The following VCL variants were observed in gnomAD, a reference collection of about 807,000 sequenced individuals.
VCL encodes the protein vinculin, also known as epididymis luminal protein 114.
In VCL, 47 loss-of-function variants were observed where a neutral mutation model predicts 125.7. The observed-to-expected ratio is 0.37, with a 90% CI of 0.30 to 0.48. The LOEUF (loss-of-function observed/expected upper bound fraction) is 0.48. Ranked by LOEUF, VCL falls within the 20% of genes least tolerant of loss-of-function variation. The pLI is 0.99. For missense variants in VCL, 1,069 were observed against 1,455.5 expected (o/e 0.73, Z 4.32); for synonymous variants, 458 against 514.6 (o/e 0.89, Z 1.49).
chr10:74,091,884 TTTTTATTTATGTATGTA>T (rs1388556051), intron 10 of VCL, among the ~76,000 whole-genome samples: 1 of 151,500 alleles, frequency 6.6e-6, no homozygotes, highest in East Asian at 1.9e-4. Context: ...TGGGCTATTA[TTTTTATTTATGTATGTA>T]TTTTATTTAT....
chr10:74,039,255 C>T (rs1251000669), intron 1 of VCL, among the ~76,000 whole-genome samples: 1 of 151,732 alleles, frequency 6.6e-6, no homozygotes, highest in East Asian at 1.9e-4. Flanking sequence ...CTTCATCCCC[C>T]ACCCCACCCC....
chr10:74,008,404 A>G lies in VCL; in HGVS notation c.168+10029A>G, dbSNP rs7088789. 4.9e-3 allele frequency among the ~76,000 whole-genome samples: 743 copies of G among 152,344 alleles called. 4 individuals carry two copies. The highest frequency in any genetic ancestry group is 0.017 in the African/African-American group (697 of 41,586). On this transcript the variant is annotated intron_variant, in intron 1 of 21. Transcript: ENST00000211998. The stretch of plus-strand genomic sequence containing the variant: ...GCTATGCAGATCACTTACTAAATTC[A>G]TAATGTGAGAGTATGTTACCTTCTA...
At chr10:73,998,415 G>GTA in intron 1 of VCL, 40 bp downstream of exon 1, 2 of 1,381,042 alleles carry the variant, frequency 1.4e-6, no homozygotes, top group Non-Finnish European at 1.9e-6. Context: ...GGCGCGGGAG[G>GTA]TATCCCCGGG....
Position 74,105,205 on chromosome 10 carries a change from G to A in VCL, c.2286G>A (p.Arg762=). ...CCAGTATTGCTCGTCGGGCCAACCGGATCCTGCTGGTGGCTAAGAGGGAGG... is the reference window on the plus strand; with the variant it reads ...CCAGTATTGCTCGTCGGGCCAACCGAATCCTGCTGGTGGCTAAGAGGGAGG... ...GATSIARRAN[R]ILLVAKREVE... is the part of the protein sequence containing the mutation. The change falls in exon 16 of 22, where the codon CGG becomes CGA. Residue 762 remains arginine (R), a synonymous_variant. Transcript: ENST00000211998. 5 of 1,614,178 alleles carry A rather than the reference G, an allele frequency of 3.1e-6. No homozygotes were observed. Among genetic ancestry groups the A allele is most frequent in the Non-Finnish European group, 4.2e-6 (5 of 1,180,032 alleles).
intron 8 of VCL, among the ~76,000 whole-genome samples, chr10:74,087,451 T>G (rs1444666035): frequency 2.7e-5 from 4 of 148,024 alleles, no homozygotes; most frequent in Non-Finnish European, 6.0e-5. Flanking sequence ...GTTCACACCA[T>G]TCTCCTGCCT....
chr10:74,009,486 G>C (rs890991685), intron 1 of VCL, among the ~76,000 whole-genome samples: 3 of 151,686 alleles, frequency 2.0e-5, no homozygotes, highest in East Asian at 3.9e-4. Context: ...GTCTCGATCT[G>C]CTGACCTCGT....
At chr10:74,022,575 GATAAATAAATAA>G (rs112373013) in intron 1 of VCL, among the ~76,000 whole-genome samples, 3 of 121,020 alleles carry the variant, frequency 2.5e-5, no homozygotes, top group East Asian at 2.1e-4. Flanking sequence ...TAAGAATAAA[GATAAATAAATAA>G]ATAAATAAAT....
At chr10:74,077,326 T>C (rs1014938389) in intron 6 of VCL, 2 of 152,772 alleles carry the variant, frequency 1.3e-5, no homozygotes, top group African/African-American at 2.4e-5. Context: ...TTGTTTTACA[T>C]TTATGTGGTT....
chr10:74,117,975 G>A, intron 21 of VCL, 48 bp from the exon 22 acceptor site: 5 of 1,612,458 alleles, frequency 3.1e-6, no homozygotes, highest in Non-Finnish European at 4.2e-6. Context: ...TTAGAGACAG[G>A]CCTGCATCAG....
chr10:74,058,749 C>A (rs372817319), intron 2 of VCL, among the ~76,000 whole-genome samples: 27 of 152,244 alleles, frequency 1.8e-4, no homozygotes, highest in Admixed American at 3.9e-4. Flanking sequence ...AACCAGTGAG[C>A]TGACATAGGA....
chr10:74,061,154 G>A (rs150669218), intron 2 of VCL, among the ~76,000 whole-genome samples: 28 of 152,230 alleles, frequency 1.8e-4, no homozygotes, highest in Admixed American at 3.9e-4. Flanking sequence ...CTATTAAAAT[G>A]TGCAAGATCA....
At chr10:74,113,054 C>T (rs558877985) in intron 19 of VCL, among the ~76,000 whole-genome samples, 3 of 152,270 alleles carry the variant, frequency 2.0e-5, no homozygotes, top group East Asian at 1.9e-4. Flanking sequence ...AATGATGAAC[C>T]GCTTCATGGT....
intron 1 of VCL, among the ~76,000 whole-genome samples, chr10:74,018,145 A>G (rs1840586795): frequency 7.1e-6 from 1 of 140,378 alleles, no homozygotes; most frequent in Non-Finnish European, 1.5e-5. Context: ...AAAAAGAAAA[A>G]AAAATCTGGT....
intron 2 of VCL, among the ~76,000 whole-genome samples, chr10:74,064,827 C>T (rs1841540964): frequency 6.6e-6 from 1 of 152,216 alleles, no homozygotes; most frequent in East Asian, 1.9e-4. Flanking sequence ...ATATGTTAAG[C>T]CATGAAGCTA....
At chr10:74,039,792 A>G (rs770440721) in intron 1 of VCL, among the ~76,000 whole-genome samples, 21 of 145,836 alleles carry the variant, frequency 1.4e-4, no homozygotes, top group Non-Finnish European at 2.8e-4. Flanking sequence ...AAAAGAAAAG[A>G]AAAGAAAAAG....
At chr10:74,087,333 G>GTT (rs1564527380) in intron 8 of VCL, among the ~76,000 whole-genome samples, 1 of 139,540 alleles carries the variant, frequency 7.2e-6, no homozygotes, top group Admixed American at 7.2e-5. Flanking sequence ...TTTTTTTTAG[G>GTT]TTTTTCTTTT....
chr10:74,004,395 C>T (rs1591645295), intron 1 of VCL, among the ~76,000 whole-genome samples: 1 of 152,182 alleles, frequency 6.6e-6, no homozygotes, highest in Non-Finnish European at 1.5e-5. Flanking sequence ...AGTAACCTGC[C>T]CACAGTGGCA....
At chr10:74,076,508 C>G (rs1302927799) in intron 6 of VCL, 4 of 152,648 alleles carry the variant, frequency 2.6e-5, no homozygotes, top group Admixed American at 2.0e-4. Flanking sequence ...AAGGAGACTT[C>G]CAGCTGATGC....
At chr10:74,093,636 A>T (rs1564529368) in intron 10 of VCL, among the ~76,000 whole-genome samples, 3 of 147,896 alleles carry the variant, frequency 2.0e-5, no homozygotes, top group Non-Finnish European at 4.5e-5. Context: ...TCCACGAAAT[A>T]TTTTTTTTTT....
Sources: allele counts gnomAD v4.1 joint callset (sites outside exome capture counted in the v4.1 genomes callset), GRCh38; gene constraint gnomAD v4.1.1; transcripts MANE v1.5; gene names NCBI Gene and HGNC (gene_info 2026-07-23, HGNC 2026-07-21).